Variants in SND1 observed in about 807,000 individuals in gnomAD.
SND1 encodes staphylococcal nuclease domain-containing protein 1.
A neutral mutation model predicts 121.7 loss-of-function variants in SND1; 38 were observed. The ratio of observed to expected loss-of-function variants is 0.31; its 90% CI spans 0.24 to 0.41. The LOEUF (loss-of-function observed/expected upper bound fraction) is 0.41, where lower values mean the gene tolerates loss of function less well. Among genes scored for constraint, SND1 ranks in the 10% least tolerant of loss-of-function variants. The pLI, the probability that SND1 is intolerant of heterozygous loss-of-function variation, is 1.00. For synonymous variants in SND1, 401 were observed against 447.4 expected, an observed-to-expected ratio of 0.90 and a Z score of 1.31; for missense variants, 868 against 1,184.6, an observed-to-expected ratio of 0.73 and a Z score of 3.92.
At chr7:127,776,475 C>T (rs1362651464) in intron 10 of SND1, among the ~76,000 whole-genome samples, 3 of 151,850 alleles carry the variant, frequency 2.0e-5, no homozygotes, top group Admixed American at 1.3e-4. Context: ...TGAAAAAGTT[C>T]TGCAAAATGA....
At position 127,740,414 on chromosome 7, in the gene SND1, C is replaced by T. The variant is rs762543337; in HGVS notation, c.1152+19014C>T. Among the ~76,000 whole-genome samples the T allele has an allele frequency of 5.9e-5, 9 of 152,260 alleles. No individual in the cohort carries two copies. The South Asian group carries it at 6.2e-4, about 11-fold the overall frequency. ...GACTAATGAGAAACAAAGCCATGAA[C>T]TCATCAGTGTCTCAACTCCACAAAA... On this transcript the variant is annotated intron_variant, in intron 10 of 23. Transcript: ENST00000354725.
chr7:127,807,447 T>C (rs750329376), intron 10 of SND1, 37 bp from the exon 11 acceptor site: 2 of 1,519,708 alleles, frequency 1.3e-6, no homozygotes, highest in Non-Finnish European at 1.8e-6. Context: ...CATTTGATAT[T>C]GTTCATTCCT....
At chr7:127,676,763 C>T (rs554995793) in intron 1 of SND1, among the ~76,000 whole-genome samples, 56 of 152,226 alleles carry the variant, frequency 3.7e-4, no homozygotes, top group Non-Finnish European at 2.9e-4. Flanking sequence ...ATTTTTGATA[C>T]GCAGTTTCAC....
At chr7:127,895,560 G>A (rs1003938422) in intron 13 of SND1, among the ~76,000 whole-genome samples, 1 of 152,084 alleles carries the variant, frequency 6.6e-6, no homozygotes, top group Admixed American at 6.6e-5. Context: ...GATTCAGCAC[G>A]TGTCATTATG....
At chr7:127,660,864 A>C (rs1346065782) in intron 1 of SND1, among the ~76,000 whole-genome samples, 1 of 152,156 alleles carries the variant, frequency 6.6e-6, no homozygotes, top group Non-Finnish European at 1.5e-5. Context: ...AGGTCATCGC[A>C]TCAGGACAAC....
intron 11 of SND1, among the ~76,000 whole-genome samples, chr7:127,839,943 A>G (rs1335706065): frequency 1.3e-5 from 2 of 152,244 alleles, no homozygotes; most frequent in Admixed American, 6.5e-5. Context: ...AAACAGCAGA[A>G]TGATCAACAG....
chr7:128,030,452 G>T (rs1320855677), intron 16 of SND1: 1 of 1,613,722 alleles, frequency 6.2e-7, no homozygotes, highest in Admixed American at 1.7e-5. Context: ...AGAGGCCCCG[G>T]CGCGTGCACA....
intron 10 of SND1, among the ~76,000 whole-genome samples, chr7:127,751,755 AGTT>A (rs1230854883): frequency 2.0e-5 from 3 of 152,228 alleles, no homozygotes; most frequent in Admixed American, 6.5e-5. Context: ...TTTGCAAGAC[AGTT>A]GTTGTGAACA....
chr7:127,670,580 CT>C (rs1427440654), intron 1 of SND1, among the ~76,000 whole-genome samples: 1 of 152,216 alleles, frequency 6.6e-6, no homozygotes, highest in African/African-American at 2.4e-5. Flanking sequence ...TAACTCTGAA[CT>C]TCCATGACTT....
intron 16 of SND1, among the ~76,000 whole-genome samples, chr7:128,051,044 G>A (rs567263840): frequency 6.6e-5 from 10 of 152,346 alleles, no homozygotes; most frequent in South Asian, 6.2e-4. Flanking sequence ...GAAGGAGGGG[G>A]CTCAGGCTTT....
At chr7:127,947,830 T>A (rs1241193698) in intron 15 of SND1, among the ~76,000 whole-genome samples, 1 of 152,206 alleles carries the variant, frequency 6.6e-6, no homozygotes, top group East Asian at 1.9e-4. Context: ...CTCACTCAGC[T>A]CTGTTTTCCC....
At chr7:127,659,331 GA>G (rs1160709644) in intron 1 of SND1, among the ~76,000 whole-genome samples, 1 of 152,188 alleles carries the variant, frequency 6.6e-6, no homozygotes, top group Non-Finnish European at 1.5e-5. Context: ...TAATGTTTAA[GA>G]AAAAAATGAA....
rs139683204 is a variant in SND1, at chr7:127,970,056, A to G, written c.1670-20891A>G. On this transcript the variant is annotated intron_variant, in intron 15 of 23. Transcript: ENST00000354725. Reference sequence around the variant, plus strand: ...TTATTGTTATGTGAGTTTCTTCTCCAGTAGTCTATATAGTCACTTGTTGTA... The same window carrying G: ...TTATTGTTATGTGAGTTTCTTCTCCGGTAGTCTATATAGTCACTTGTTGTA... Among the ~76,000 whole-genome samples the G allele has an allele frequency of 9.1e-4, 139 of 152,322 alleles. 1 individual carries two copies. Among genetic ancestry groups the G allele is most frequent in the Middle Eastern group, 3.4e-3 (1 of 294 alleles).
chr7:127,969,983 T>C (rs938539873), intron 15 of SND1, among the ~76,000 whole-genome samples: 7 of 152,246 alleles, frequency 4.6e-5, no homozygotes, highest in Non-Finnish European at 8.8e-5. Flanking sequence ...TAAAAAGTGC[T>C]TGATCCAGTG....
chr7:127,698,212 G>A (rs1231387977), intron 3 of SND1, among the ~76,000 whole-genome samples: 12 of 152,198 alleles, frequency 7.9e-5, no homozygotes, highest in Admixed American at 7.9e-4. Context: ...GTCAAATGGT[G>A]TAGCTTGTCT....
intron 14 of SND1, among the ~76,000 whole-genome samples, chr7:127,927,325 G>A (rs558727835): frequency 4.6e-5 from 7 of 152,326 alleles, no homozygotes; most frequent in African/African-American, 1.7e-4. Context: ...TCTCTTCTGA[G>A]ATGTTAGGTT....
At chr7:128,039,516 A>G (rs942605331) in intron 16 of SND1, among the ~76,000 whole-genome samples, 1 of 152,142 alleles carries the variant, frequency 6.6e-6, no homozygotes, top group South Asian at 2.1e-4. Flanking sequence ...GGAAAAATGA[A>G]GGAGAATCCT....
chr7:127,894,389 A>T (rs1352113953), intron 13 of SND1, among the ~76,000 whole-genome samples: 1 of 152,004 alleles, frequency 6.6e-6, no homozygotes, highest in Non-Finnish European at 1.5e-5. Context: ...GCCTTAAAAA[A>T]AAAAAAAAGA....
rs980562883 is a variant in SND1 at position 127,939,362 on chromosome 7, C to G, written c.1669+10033C>G. 3.7e-4 allele frequency among the ~76,000 whole-genome samples: 57 copies of G among 152,158 alleles called. 1 individual carries two copies. The highest frequency in any genetic ancestry group is 1.3e-4 in the Admixed American group (2 of 15,278). On this transcript the variant is annotated intron_variant, in intron 15 of 23. Transcript: ENST00000354725. Reference sequence around the variant, plus strand: ...AAAAGACAGACTTCCATGACATAATCTAGTGTTTCAGGGTAAAAGAGAGAG... The same window carrying G: ...AAAAGACAGACTTCCATGACATAATGTAGTGTTTCAGGGTAAAAGAGAGAG...
Sources: gnomAD v4.1 joint callset for allele counts (sites outside exome capture counted in the v4.1 genomes callset) on GRCh38, gnomAD v4.1.1 for gene constraint, MANE v1.5 for transcripts, NCBI Gene and HGNC (gene_info 2026-07-23, HGNC 2026-07-21) for gene names.